LRP1B: variants seen among roughly 807,000 people sequenced by gnomAD.
LRP1B encodes the protein LDL receptor related protein 1B.
Under a neutral mutation model 556.6 loss-of-function variants are expected in LRP1B, and 217 were observed. That is an observed-to-expected ratio of 0.39 (90% CI 0.35 to 0.44). The LOEUF (loss-of-function observed/expected upper bound fraction) is 0.44. LRP1B is among the 20% of genes least tolerant of loss of function. The probability of loss-of-function intolerance (pLI) is 1.00; values close to 1 mark genes in which losing one functional copy is unlikely to be tolerated. For missense variants in LRP1B, 5,053 were observed against 5,620.8 expected (o/e 0.90, Z 3.23); for synonymous variants, 2,047 against 1,865.8 (o/e 1.10, Z -2.50).
intron 84 of LRP1B, among the ~76,000 whole-genome samples, chr2:140,296,450 T>A (rs1372238198): frequency 6.6e-6 from 1 of 152,150 alleles, no homozygotes; most frequent in Non-Finnish European, 1.5e-5. Flanking sequence ...ATTAGAGTGA[T>A]AACAAGCTGT....
At chr2:140,415,927 T>C (rs1477220693) in intron 66 of LRP1B, among the ~76,000 whole-genome samples, 3 of 152,224 alleles carry the variant, frequency 2.0e-5, no homozygotes, top group African/African-American at 7.2e-5. Context: ...CCAGAGACAC[T>C]GATTTTCCTC....
At chr2:141,803,715 T>C (rs1346624405) in intron 2 of LRP1B, among the ~76,000 whole-genome samples, 1 of 152,108 alleles carries the variant, frequency 6.6e-6, no homozygotes, top group African/African-American at 2.4e-5. Flanking sequence ...TTTCAGTGCC[T>C]TATTCTACTA....
At chr2:140,652,818 A>T (rs998091872) in intron 41 of LRP1B, among the ~76,000 whole-genome samples, 2 of 152,142 alleles carry the variant, frequency 1.3e-5, no homozygotes, top group Non-Finnish European at 1.5e-5. Context: ...GGAAAAAAAT[A>T]GTTGTAGATT....
chr2:141,365,639 TGG>T (rs1688997111), intron 3 of LRP1B, among the ~76,000 whole-genome samples: 1 of 149,752 alleles, frequency 6.7e-6, no homozygotes, highest in Non-Finnish European at 1.5e-5. Context: ...ATTTTTGTTT[TGG>T]TTTGTTTTTG....
chr2:140,254,360 T>C (rs1259747653), intron 86 of LRP1B, among the ~76,000 whole-genome samples: 2 of 152,144 alleles, frequency 1.3e-5, no homozygotes, highest in African/African-American at 4.8e-5. Flanking sequence ...TCTGAAAATA[T>C]TCAATTCACT....
chr2:141,244,350 G>T (rs118130708), intron 5 of LRP1B, among the ~76,000 whole-genome samples: 1 of 152,060 alleles, frequency 6.6e-6, no homozygotes, highest in South Asian at 2.1e-4. Flanking sequence ...TAGGCCATTC[G>T]GGCCTTCCCT....
intron 1 of LRP1B, among the ~76,000 whole-genome samples, chr2:141,832,368 T>A: frequency 6.7e-6 from 1 of 148,356 alleles, no homozygotes; most frequent in Admixed American, 6.7e-5. Flanking sequence ...CACACACAAT[T>A]TGTTAAGTGA....
intron 45 of LRP1B, among the ~76,000 whole-genome samples, chr2:140,538,273 TG>T (rs1274291256): frequency 1.3e-5 from 2 of 152,150 alleles, no homozygotes; most frequent in Non-Finnish European, 2.9e-5. Flanking sequence ...GTTTGTTACA[TG>T]GGTTTACTAC....
chr2:141,960,976 C>G (rs1213717724), intron 1 of LRP1B, among the ~76,000 whole-genome samples: 1 of 151,568 alleles, frequency 6.6e-6, no homozygotes, highest in Non-Finnish European at 1.5e-5. Context: ...TAAATTTAAA[C>G]TCAAATTTCC....
chr2:141,022,358 A>T (rs915657389), intron 11 of LRP1B, among the ~76,000 whole-genome samples: 62 of 151,994 alleles, frequency 4.1e-4, no homozygotes, highest in African/African-American at 1.5e-3. Context: ...GTATAAAAAG[A>T]TCTATGAGCA....
intron 1 of LRP1B, among the ~76,000 whole-genome samples, chr2:141,994,533 C>T (rs1392995986): frequency 6.6e-6 from 1 of 151,962 alleles, no homozygotes; most frequent in African/African-American, 2.4e-5. Context: ...TGTGAGTATA[C>T]ATGTGTGCAT....
chr2:141,216,037 G>A (rs1365590307), intron 6 of LRP1B, among the ~76,000 whole-genome samples: 1 of 152,104 alleles, frequency 6.6e-6, no homozygotes, highest in Non-Finnish European at 1.5e-5. Context: ...TGTCTCAAAG[G>A]CACTTCAGAG....
chr2:141,855,325 A>G (rs927034984), intron 1 of LRP1B, among the ~76,000 whole-genome samples: 1 of 152,138 alleles, frequency 6.6e-6, no homozygotes, highest in Non-Finnish European at 1.5e-5. Context: ...TTAACGGGAT[A>G]AGACATTCGA....
At chr2:141,143,133 G>A (rs540295673) in intron 7 of LRP1B, among the ~76,000 whole-genome samples, 2 of 152,006 alleles carry the variant, frequency 1.3e-5, no homozygotes, top group African/African-American at 2.4e-5. Context: ...GTTTCACCGC[G>A]TTAGCCAGGA....
chr2:140,947,153 C>T (rs1169284904), intron 20 of LRP1B, among the ~76,000 whole-genome samples: 1 of 151,854 alleles, frequency 6.6e-6, no homozygotes, highest in Non-Finnish European at 1.5e-5. Context: ...GCAAAAGTAC[C>T]CCCCGAATCT....
chr2:140,755,706 A>T (rs1181947156), intron 35 of LRP1B, among the ~76,000 whole-genome samples: 1 of 151,986 alleles, frequency 6.6e-6, no homozygotes, highest in Non-Finnish European at 1.5e-5. Flanking sequence ...AAATAAAAAG[A>T]GCTAATATCA....
intron 3 of LRP1B, among the ~76,000 whole-genome samples, chr2:141,399,072 A>G (rs1392209910): frequency 3.3e-5 from 5 of 152,124 alleles, no homozygotes; most frequent in Non-Finnish European, 7.4e-5. Flanking sequence ...TCTGTCCAAC[A>G]TGGTGAAACC....
intron 41 of LRP1B, among the ~76,000 whole-genome samples, chr2:140,637,228 C>G (rs1290754509): frequency 6.6e-6 from 1 of 151,910 alleles, no homozygotes; most frequent in African/African-American, 2.4e-5. Context: ...GGAATGATAC[C>G]CTGGAAAGAA....
chr2:141,376,269 C>CA (rs1689432888), intron 3 of LRP1B, among the ~76,000 whole-genome samples: 1 of 152,140 alleles, frequency 6.6e-6, no homozygotes, highest in South Asian at 2.1e-4. Flanking sequence ...CCTGAGCCCC[C>CA]AGTGAGTCTA....
Sources: gnomAD v4.1 joint callset for allele counts (sites outside exome capture counted in the v4.1 genomes callset) on GRCh38, gnomAD v4.1.1 for gene constraint, MANE v1.5 for transcripts, NCBI Gene and HGNC (gene_info 2026-07-23, HGNC 2026-07-21) for gene names.